IQSEC2: variants seen among roughly 807,000 people sequenced by gnomAD.
IQSEC2 encodes the protein IQ motif and Sec7 domain ArfGEF 2.
Under a neutral mutation model 74.6 loss-of-function variants are expected in IQSEC2, and 6 were observed. The observed-to-expected ratio is 0.08, with a 90% CI of 0.04 to 0.16. IQSEC2 has a LOEUF of 0.16. Among genes scored for constraint, IQSEC2 ranks in the 10% least tolerant of loss-of-function variants. The probability of loss-of-function intolerance (pLI) is 1.00; values close to 1 mark genes in which losing one functional copy is unlikely to be tolerated. For missense variants in IQSEC2, 734 were observed against 1,306.2 expected (o/e 0.56, Z 6.75); for synonymous variants, 494 against 544.5 (o/e 0.91, Z 1.29).
intron 8 of IQSEC2, among the ~76,000 whole-genome samples, chrX:53,245,644 CCT>C (rs1241102909): frequency 3.6e-5 from 4 of 109,840 alleles, no homozygotes; most frequent in African/African-American, 1.3e-4. Context: ...ACTCTATTTC[CCT>C]CTTTCTTTTC....
intron 2 of IQSEC2, among the ~76,000 whole-genome samples, chrX:53,265,912 C>T (rs977817127): frequency 4.4e-5 from 5 of 112,619 alleles, no homozygotes; most frequent in Admixed American, 1.9e-4. Context: ...CTTAAAACCA[C>T]AGGACTGGAA....
At chrX:53,278,090 A>G (rs1234313123) in intron 2 of IQSEC2, among the ~76,000 whole-genome samples, 1 of 96,946 alleles carries the variant, frequency 1.0e-5, no homozygotes, top group Non-Finnish European at 2.0e-5. Flanking sequence ...GGCTCACTGC[A>G]AGCTCCGCCT....
chrX:53,242,603 T>G (rs1374215700), intron 9 of IQSEC2, among the ~76,000 whole-genome samples: 2 of 111,951 alleles, frequency 1.8e-5, no homozygotes, highest in Non-Finnish European at 3.8e-5. Context: ...CCGACTGGTC[T>G]GTGAGTGCCC....
chrX:53,266,998 C>T (rs1556867831), intron 2 of IQSEC2: 2 of 1,154,939 alleles, frequency 1.7e-6, no homozygotes, highest in Non-Finnish European at 2.3e-6. Flanking sequence ...ACTCGGAGGC[C>T]GGACAGCAGA....
chrX:53,229,828 T>A (rs1345152818), downstream of IQSEC2: 1 of 112,576 alleles, frequency 8.9e-6, no homozygotes, highest in East Asian at 2.8e-4. Context: ...AACATTTCCA[T>A]TCATGTCTCC....
intron 1 of IQSEC2, 43 bp downstream of exon 1, chrX:53,320,374 G>A (rs1556879918): frequency 5.7e-6 from 6 of 1,061,629 alleles, no homozygotes; most frequent in Non-Finnish European, 7.7e-6. Context: ...GTTGGAGAGG[G>A]ATCTAGAGGG....
chrX:53,321,201 C>T lies in IQSEC2; in HGVS notation c.-78G>A. The T allele has an allele frequency of 4.8e-6, 3 of 618,601 alleles. No homozygotes were observed. The highest frequency in any genetic ancestry group is 7.0e-6 in the Non-Finnish European group (3 of 426,452). The allele number at this position is 618,601 out of a possible 1,213,427, so 51.0% of individuals were successfully genotyped here. On this transcript the variant is annotated 5_prime_UTR_variant, in exon 1 of 15. Coordinates refer to ENST00000642864, the MANE Select transcript of IQSEC2 (RefSeq NM_001111125.3). ...TCACGGCGCCACCCTCCCCCGGGCC[C>T]AGCCGGGGGAGGGGGCCGGCGGGAC...
chrX:53,248,931 G>A, intron 5 of IQSEC2, 49 bp from the exon 6 acceptor site: 1 of 1,160,581 alleles, frequency 8.6e-7, no homozygotes, highest in Non-Finnish European at 1.2e-6. Flanking sequence ...CTGGAACTGT[G>A]CTCTCTGTCT....
chrX:53,236,377 G>A lies in IQSEC2; in HGVS notation c.3396C>T (p.Gly1132=), dbSNP rs782725826. Reference sequence around the variant, plus strand: ...TGAGTGCGCCCCGTTTGAGCCCATCGCCTGCCCCGTAAGTGTCCTCCAGGC... The same window carrying A: ...TGAGTGCGCCCCGTTTGAGCCCATCACCTGCCCCGTAAGTGTCCTCCAGGC... ...RSSLEDTYGA[G]DGLKRGALSS... The change falls in exon 13 of 15, where the codon GGC becomes GGT. Residue 1132 remains glycine, a synonymous_variant. Coordinates refer to ENST00000642864, the MANE Select transcript of IQSEC2 (RefSeq NM_001111125.3). 4.1e-6 allele frequency: 5 copies of A among 1,207,396 alleles called. No individual in the cohort carries two copies. Among genetic ancestry groups the A allele is most frequent in the East Asian group, 3.0e-5 (1 of 33,637 alleles).
At chrX:53,289,173 A>ACACGCATGTATG (rs6151305) in intron 2 of IQSEC2, among the ~76,000 whole-genome samples, 1 of 108,414 alleles carries the variant, frequency 9.2e-6, no homozygotes, top group African/African-American at 3.4e-5. Flanking sequence ...CCCCCTCCAC[A>ACACGCATGTATG]CACACATGAA....
chrX:53,302,327 T>C (rs1569333073), intron 1 of IQSEC2, among the ~76,000 whole-genome samples: 2 of 112,569 alleles, frequency 1.8e-5, no homozygotes, highest in Non-Finnish European at 3.7e-5. Flanking sequence ...CAGACATCCA[T>C]ACACTAGAAT....
intron 2 of IQSEC2, among the ~76,000 whole-genome samples, chrX:53,259,966 G>A (rs1240806173): frequency 8.9e-6 from 1 of 112,202 alleles, no homozygotes; most frequent in African/African-American, 3.2e-5. Flanking sequence ...TGAGCAAAAT[G>A]CACGAGAACA....
chrX:53,290,021 G>A (rs782342451), intron 2 of IQSEC2, among the ~76,000 whole-genome samples: 19 of 112,088 alleles, frequency 1.7e-4, no homozygotes, highest in Non-Finnish European at 3.4e-4. Context: ...GGATGAGGAT[G>A]ATGATTATTA....
At chrX:53,280,361 T>G (rs1306287737) in intron 2 of IQSEC2, among the ~76,000 whole-genome samples, 1 of 104,231 alleles carries the variant, frequency 9.6e-6, no homozygotes, top group Non-Finnish European at 2.0e-5. Flanking sequence ...GGGAGAGAGA[T>G]AGAGAGAAAC....
chrX:53,253,258 T>C (rs980527841), intron 4 of IQSEC2, among the ~76,000 whole-genome samples: 9 of 112,587 alleles, frequency 8.0e-5, no homozygotes, highest in African/African-American at 2.9e-4. Flanking sequence ...GGTGTTTTCA[T>C]ATATATTACC....
At chrX:53,266,113 CAA>C (rs2074652039) in intron 2 of IQSEC2, among the ~76,000 whole-genome samples, 1 of 111,928 alleles carries the variant, frequency 8.9e-6, no homozygotes, top group African/African-American at 3.2e-5. Context: ...TTATAGATGT[CAA>C]AGAGGTCATG....
chrX:53,288,967 C>G (rs1285416781), intron 2 of IQSEC2, among the ~76,000 whole-genome samples: 1 of 108,799 alleles, frequency 9.2e-6, no homozygotes, highest in Admixed American at 9.9e-5. Context: ...CTACCCCCCA[C>G]CCCCATCACC....
At chrX:53,248,039 A>C in intron 7 of IQSEC2, 75 bp downstream of exon 7, 1 of 1,122,319 alleles carries the variant, frequency 8.9e-7, no homozygotes, top group East Asian at 3.0e-5. Context: ...GGCTCAGAGA[A>C]GTGACTTATA....
intron 2 of IQSEC2, chrX:53,267,153 C>G (rs2074673404): frequency 3.7e-6 from 4 of 1,069,476 alleles, no homozygotes; most frequent in Non-Finnish European, 4.8e-6. Context: ...GGGAGATACG[C>G]GAAGGGCCAG....
Sources: allele counts gnomAD v4.1 joint callset (sites outside exome capture counted in the v4.1 genomes callset), GRCh38; gene constraint gnomAD v4.1.1; transcripts MANE v1.5; gene names NCBI Gene and HGNC (gene_info 2026-07-23, HGNC 2026-07-21).